Variants in FBXO17 observed in about 807,000 individuals in gnomAD.
FBXO17 encodes F-box only protein 17.
FBXO17 carries 43 observed loss-of-function variants against 34.1 expected under a neutral mutation model. That is an observed-to-expected ratio of 1.26 (90% CI 0.99 to 1.62). FBXO17 has a LOEUF of 1.62. Among genes scored for constraint, FBXO17 ranks in the 40% most tolerant of loss-of-function variants. FBXO17 has a pLI of 0.00. For synonymous variants in FBXO17, 169 were observed against 166.0 expected, an observed-to-expected ratio of 1.02 and a Z score of -0.14; for missense variants, 424 against 386.7, an observed-to-expected ratio of 1.10 and a Z score of -0.81.
chr19:38,952,916 C>T (rs1975107915), intron 1 of FBXO17: 3 of 447,848 alleles, frequency 6.7e-6, no homozygotes, highest in South Asian at 4.7e-5. Context: ...ACTGTGATCT[C>T]CCATCCGTTG....
In FBXO17 at chr19:38,975,392, A is replaced by C. The variant is rs1975447628; in HGVS notation, c.-18+194T>G. Among the ~76,000 whole-genome samples, 1 of 152,100 alleles carries C rather than the reference A, an allele frequency of 6.6e-6. No individual in the cohort carries two copies. The highest frequency in any genetic ancestry group is 1.5e-5 in the Non-Finnish European group (1 of 68,012). On this transcript the variant is annotated intron_variant, in intron 1 of 5. Coordinates refer to ENST00000292852, the MANE Select transcript of FBXO17 (RefSeq NM_024907.7). The surrounding 1 kb of genome is among the most constrained non-coding windows in gnomAD (Gnocchi z 4.9). ...GGGCTTTCTAACGTGCATTTGTATA[A>C]CTTTGGGTTTAAAGGAGCCTCAGGC...
At chr19:38,967,748 A>G (rs1002701321) in intron 1 of FBXO17, among the ~76,000 whole-genome samples, 7 of 151,914 alleles carry the variant, frequency 4.6e-5, no homozygotes, top group African/African-American at 1.7e-4. Context: ...TGAATTTTCT[A>G]TAGAGATGGG....
chr19:38,945,074 G>C lies in FBXO17; in HGVS notation c.588C>G (p.Val196=). Residue 196 remains valine, a synonymous_variant, in exon 5 of 6, where the codon GTC becomes GTG. Coordinates refer to ENST00000292852, the MANE Select transcript of FBXO17 (RefSeq NM_024907.7). Reference sequence around the variant, plus strand: ...CCAGAAGGCGGACCCGGAGCTGGTAGACGCAGCCGCAGTTCTCTCGAGCGC... The same window carrying C: ...CCAGAAGGCGGACCCGGAGCTGGTACACGCAGCCGCAGTTCTCTCGAGCGC... ...WWGARENCGC[V]YQLRVRLLDV... is the part of the protein sequence containing the mutation. 6.2e-7 allele frequency: 1 copy of C among 1,614,242 alleles called. No homozygotes were observed. Among genetic ancestry groups the C allele is most frequent in the Non-Finnish European group, 8.5e-7 (1 of 1,180,048 alleles).
At chr19:38,974,078 A>C (rs1004667397) in intron 1 of FBXO17, among the ~76,000 whole-genome samples, 9 of 148,368 alleles carry the variant, frequency 6.1e-5, no homozygotes, top group Non-Finnish European at 8.9e-5. Flanking sequence ...ATATATGTAC[A>C]TATATAGTTT....
At chr19:38,945,351 T>G in intron 4 of FBXO17, 1 of 496,120 alleles carries the variant, frequency 2.0e-6, no homozygotes. Context: ...GCCTGGGTGG[T>G]CCTGGGGTGG....
intron 3 of FBXO17, 137 bp downstream of exon 3, chr19:38,948,430 T>C (rs1975018950): frequency 1.5e-6 from 1 of 653,558 alleles, no homozygotes; most frequent in Non-Finnish European, 2.6e-6. Flanking sequence ...TATTTGTTGA[T>C]TGATGGAATG....
chr19:38,943,367 A>G (rs1974922805), intron 5 of FBXO17, among the ~76,000 whole-genome samples: 1 of 144,946 alleles, frequency 6.9e-6, no homozygotes, highest in South Asian at 2.2e-4. Context: ...TCCACCTCGC[A>G]GGTTCAAGCG....
chr19:38,965,653 C>A (rs572412815), intron 1 of FBXO17, among the ~76,000 whole-genome samples: 1 of 152,062 alleles, frequency 6.6e-6, no homozygotes, highest in Non-Finnish European at 1.5e-5. Context: ...ATTACAGGCA[C>A]GAACCACCAA....
At chr19:38,974,085 G>GTTT (rs1268917360) in intron 1 of FBXO17, among the ~76,000 whole-genome samples, 1 of 124,556 alleles carries the variant, frequency 8.0e-6, no homozygotes, top group Non-Finnish European at 1.7e-5. Flanking sequence ...TACATATATA[G>GTTT]TTTTTTTTTT....
At chr19:38,948,494 A>G in intron 3 of FBXO17, 73 bp downstream of exon 3, 4 of 1,118,246 alleles carry the variant, frequency 3.6e-6, no homozygotes, top group South Asian at 2.8e-5. Flanking sequence ...CGATGAGGAC[A>G]GTGTGGGGGG....
At chr19:38,956,442 G>A (rs1975168801) in intron 1 of FBXO17, among the ~76,000 whole-genome samples, 1 of 152,130 alleles carries the variant, frequency 6.6e-6, no homozygotes, top group Non-Finnish European at 1.5e-5. Context: ...GATCATTAAA[G>A]CCTCTTAACC....
At chr19:38,969,258 G>A (rs1448025069) in intron 1 of FBXO17, among the ~76,000 whole-genome samples, 6 of 151,854 alleles carry the variant, frequency 4.0e-5, no homozygotes, top group East Asian at 1.9e-4. Flanking sequence ...AGACGAGCCT[G>A]GGCAACATAG....
intron 1 of FBXO17, among the ~76,000 whole-genome samples, chr19:38,963,884 A>G (rs1458341879): frequency 2.0e-5 from 3 of 151,808 alleles, no homozygotes; most frequent in Admixed American, 2.0e-4. Context: ...CCCGGGTTCA[A>G]GCAGTTCTCC....
intron 1 of FBXO17, among the ~76,000 whole-genome samples, chr19:38,973,833 T>C (rs1975421721): frequency 6.7e-6 from 1 of 150,338 alleles, no homozygotes; most frequent in South Asian, 2.1e-4. Flanking sequence ...AAAAAATTAG[T>C]GGGGTTTGGT....
intron 1 of FBXO17, among the ~76,000 whole-genome samples, chr19:38,959,141 CTCAAGTGA>C (rs1975210771): frequency 2.0e-5 from 3 of 151,454 alleles, no homozygotes; most frequent in Admixed American, 2.0e-4. Context: ...TCTTCCTGGG[CTCAAGTGA>C]TCCTGTCGCC....
chr19:38,950,171 C>T lies in FBXO17; in HGVS notation c.149G>A (p.Arg50His), dbSNP rs1975058297. The change falls in exon 2 of 6, where the codon CGC becomes CAC. Residue 50 changes from arginine (R) to histidine (H), a missense_variant. Coordinates refer to ENST00000292852, the MANE Select transcript of FBXO17 (RefSeq NM_024907.7). ...CACAGTGGGCCCGTCCACTATGTCG[C>T]GCCAGGCGCGGCACACTGGGCGGCA... ...TRCRPVCRAW[R>H]DIVDGPTVWL... The T allele has an allele frequency of 1.3e-6, 2 of 1,559,574 alleles. No individual in the cohort carries two copies. The highest frequency in any genetic ancestry group is 1.7e-6 in the Non-Finnish European group (2 of 1,158,868).
intron 1 of FBXO17, among the ~76,000 whole-genome samples, chr19:38,963,296 A>C (rs1443327396): frequency 6.9e-6 from 1 of 145,258 alleles, no homozygotes; most frequent in Admixed American, 6.9e-5. Context: ...ATTCACTCAT[A>C]CTTTTTTTTT....
At chr19:38,943,268 C>T (rs1229432705) in intron 5 of FBXO17, among the ~76,000 whole-genome samples, 2 of 150,790 alleles carry the variant, frequency 1.3e-5, no homozygotes, top group African/African-American at 4.9e-5. Flanking sequence ...GTAAAACAAA[C>T]TTTTTATTTA....
At chr19:38,945,834 TG>T (rs1420326783) in intron 4 of FBXO17, 4 of 180,306 alleles carry the variant, frequency 2.2e-5, no homozygotes, top group East Asian at 3.7e-4. Context: ...TGGGTGGTCC[TG>T]GGGGAGGAGC....
Sources: gnomAD v4.1 joint callset for allele counts (sites outside exome capture counted in the v4.1 genomes callset) on GRCh38, gnomAD v4.1.1 for gene constraint, Gnocchi (gnomAD v3.1) non-coding constraint, MANE v1.5 for transcripts, NCBI Gene and HGNC (gene_info 2026-07-23, HGNC 2026-07-21) for gene names.